The following RAPGEF5 variants were observed in gnomAD, a reference collection of about 807,000 sequenced individuals.
RAPGEF5 encodes M-Ras-regulated GEF.
In RAPGEF5, 65 loss-of-function variants were observed where a neutral mutation model predicts 125.2. That is an observed-to-expected ratio of 0.52 (90% CI 0.43 to 0.64). RAPGEF5 has a LOEUF of 0.64. Ranked by LOEUF, RAPGEF5 falls within the 30% of genes least tolerant of loss-of-function variation. RAPGEF5 has a pLI of 0.00. For synonymous variants in RAPGEF5, 391 were observed against 385.9 expected, an observed-to-expected ratio of 1.01 and a Z score of -0.16; for missense variants, 958 against 1,048.1, an observed-to-expected ratio of 0.91 and a Z score of 1.19.
intron 1 of RAPGEF5, among the ~76,000 whole-genome samples, chr7:22,349,083 T>C (rs540083423): frequency 2.0e-4 from 27 of 134,554 alleles, no homozygotes; most frequent in African/African-American, 6.3e-4. Flanking sequence ...AGCAAGACTC[T>C]GCCTAAAAGA....
intron 1 of RAPGEF5, among the ~76,000 whole-genome samples, chr7:22,322,715 G>A (rs35411767): frequency 0.022 from 3,384 of 152,150 alleles, 63 homozygotes; most frequent in South Asian, 0.05. Flanking sequence ...CTCAACCCTC[G>A]ATGTAAATAG....
chr7:22,145,853 G>C (rs1783419362), intron 19 of RAPGEF5, among the ~76,000 whole-genome samples: 1 of 152,172 alleles, frequency 6.6e-6, no homozygotes, highest in Admixed American at 6.5e-5. Context: ...CAAAGAGAAT[G>C]AGATTAGGGC....
In RAPGEF5 at chr7:22,316,481, ATATATATATTTTTTTTT is replaced by A. The variant is rs1181399867; in HGVS notation, c.283-1022_283-1006del. 4.8e-3 allele frequency among the ~76,000 whole-genome samples: 204 copies of A among 42,604 alleles called. 1 individual carries two copies. The highest frequency in any genetic ancestry group is 0.024 in the East Asian group (35 of 1,486). The allele number at this position is 42,604 out of a possible 152,430, so 27.9% of individuals were successfully genotyped here. A position where few individuals can be genotyped will look rare whatever the true frequency, so the allele number is the denominator to read the frequency against. ...TAGACATATATATATATATATATAT[ATATATATATTTTTTTTT>A]TTTTTTTTTTGAGGCAGGGTCTTGC... On this transcript the variant is annotated intron_variant, in intron 2 of 25. Coordinates refer to ENST00000665637, the MANE Select transcript of RAPGEF5 (RefSeq NM_012294.5).
chr7:22,235,225 CA>C (rs1270888346), intron 7 of RAPGEF5, among the ~76,000 whole-genome samples: 1 of 152,150 alleles, frequency 6.6e-6, no homozygotes, highest in Admixed American at 6.5e-5. Context: ...AGCATTTTTA[CA>C]GAGAGAAAAC....
At chr7:22,263,091 T>G (rs1782194999) in intron 7 of RAPGEF5, among the ~76,000 whole-genome samples, 1 of 152,222 alleles carries the variant, frequency 6.6e-6, no homozygotes, top group Non-Finnish European at 1.5e-5. Flanking sequence ...TCTGATTCTA[T>G]TTATATAATA....
chr7:22,221,815 A>G (rs1412290978), intron 8 of RAPGEF5, among the ~76,000 whole-genome samples: 5 of 152,198 alleles, frequency 3.3e-5, no homozygotes, highest in Non-Finnish European at 7.4e-5. Context: ...TGTCTTTATT[A>G]GCAGCATGAG....
chr7:22,183,319 T>G (rs1316735394), intron 11 of RAPGEF5, among the ~76,000 whole-genome samples: 1 of 149,026 alleles, frequency 6.7e-6, no homozygotes, highest in African/African-American at 2.5e-5. Context: ...GAAAACAGAT[T>G]GTAATTTTAT....
At chr7:22,249,742 A>C (rs776663948) in intron 7 of RAPGEF5, among the ~76,000 whole-genome samples, 1 of 152,180 alleles carries the variant, frequency 6.6e-6, no homozygotes, top group Non-Finnish European at 1.5e-5. Flanking sequence ...AGACCACCAA[A>C]CACCGTTTAT....
At chr7:22,254,608 CA>C (rs11330777) in intron 7 of RAPGEF5, among the ~76,000 whole-genome samples, 37,848 of 83,148 alleles carry the variant, frequency 0.46, 5,707 homozygotes, top group East Asian at 0.65. Context: ...AACTCCGTCT[CA>C]AAAAAAAAAA....
chr7:22,353,222 T>C (rs1784361498), intron 1 of RAPGEF5, among the ~76,000 whole-genome samples: 1 of 151,998 alleles, frequency 6.6e-6, no homozygotes, highest in Non-Finnish European at 1.5e-5. Context: ...TGCAAATCAC[T>C]GGCATGAAAA....
chr7:22,292,445 G>A (rs551491506), intron 5 of RAPGEF5, among the ~76,000 whole-genome samples: 7 of 152,266 alleles, frequency 4.6e-5, no homozygotes, highest in South Asian at 2.1e-4. Context: ...TAACTTAAGC[G>A]CTCATGCAGC....
At chr7:22,135,538 C>T (rs932432396) in intron 23 of RAPGEF5, among the ~76,000 whole-genome samples, 5 of 152,204 alleles carry the variant, frequency 3.3e-5, no homozygotes, top group African/African-American at 9.7e-5. Flanking sequence ...CTCAATTCCA[C>T]TCCTGAAGAA....
chr7:22,317,961 G>C, intron 2 of RAPGEF5, 26 bp downstream of exon 2: 1 of 1,546,050 alleles, frequency 6.5e-7, no homozygotes, highest in Non-Finnish European at 8.7e-7. Context: ...TTTCAGAAAA[G>C]GCAGTAAAAG....
At chr7:22,230,812 G>T (rs1301533406) in intron 8 of RAPGEF5, 34 bp downstream of exon 8, 3 of 1,525,658 alleles carry the variant, frequency 2.0e-6, no homozygotes, top group Non-Finnish European at 1.8e-6. Context: ...ACACAGAAGG[G>T]TATGATGAGG....
At chr7:22,130,087 G>C (rs577929800) in intron 24 of RAPGEF5, among the ~76,000 whole-genome samples, 33 of 152,134 alleles carry the variant, frequency 2.2e-4, no homozygotes, top group Non-Finnish European at 4.0e-4. Context: ...GTCAGTTTCT[G>C]CAAGAGTTCA....
At chr7:22,152,932 G>A (rs1783675334) in intron 17 of RAPGEF5, among the ~76,000 whole-genome samples, 1 of 152,186 alleles carries the variant, frequency 6.6e-6, no homozygotes. Context: ...TTCTAGTGAT[G>A]ATTAGCAATG....
intron 7 of RAPGEF5, among the ~76,000 whole-genome samples, chr7:22,242,502 C>A (rs568825534): frequency 6.6e-6 from 1 of 152,090 alleles, no homozygotes; most frequent in East Asian, 1.9e-4. Context: ...CTGAGAAGGG[C>A]CCCTGGTCAC....
chr7:22,354,888 C>T (rs1784393457), intron 1 of RAPGEF5, among the ~76,000 whole-genome samples: 1 of 152,204 alleles, frequency 6.6e-6, no homozygotes, highest in African/African-American at 2.4e-5. Flanking sequence ...ACCCAGTCTA[C>T]GGTATTTTGT....
chr7:22,280,768 G>C (rs1351410136), intron 6 of RAPGEF5, among the ~76,000 whole-genome samples: 2 of 151,990 alleles, frequency 1.3e-5, no homozygotes, highest in African/African-American at 4.8e-5. Context: ...CCTTTTCCTT[G>C]TTTTATGTCT....
Sources: allele counts gnomAD v4.1 joint callset (sites outside exome capture counted in the v4.1 genomes callset), GRCh38; gene constraint gnomAD v4.1.1; transcripts MANE v1.5; gene names NCBI Gene and HGNC (gene_info 2026-07-23, HGNC 2026-07-21).